ZNF701: variants seen among roughly 807,000 people sequenced by gnomAD.
The protein encoded by ZNF701 is zinc finger protein 701.
In ZNF701, 6 loss-of-function variants were observed where a neutral mutation model predicts 7.1. The observed-to-expected ratio is 0.84, with a 90% CI of 0.46 to 1.66. The LOEUF (loss-of-function observed/expected upper bound fraction) is 1.66, where lower values mean the gene tolerates loss of function less well. Among genes scored for constraint, ZNF701 ranks in the 40% most tolerant of loss-of-function variants. The pLI is 0.01. For missense variants in ZNF701, 541 were observed against 559.2 expected (o/e 0.97, Z 0.33); for synonymous variants, 166 against 188.2 (o/e 0.88, Z 0.97).
chr19:52,580,234 C>T (rs1056379307), intron 3 of ZNF701, among the ~76,000 whole-genome samples: 9 of 151,456 alleles, frequency 5.9e-5, no homozygotes, highest in African/African-American at 9.8e-5. Context: ...TGAGCCACCG[C>T]GCCCAGCCTT....
chr19:52,578,533 CTTTGTCTT>C (rs570108592), intron 3 of ZNF701, among the ~76,000 whole-genome samples: 99 of 152,274 alleles, frequency 6.5e-4, no homozygotes, highest in African/African-American at 2.3e-3. Context: ...CTCTTTATCT[CTTTGTCTT>C]ATGTCTTTAT....
chr19:52,581,689 G>A (rs1278320643), intron 3 of ZNF701, among the ~76,000 whole-genome samples: 1 of 152,126 alleles, frequency 6.6e-6, no homozygotes, highest in Non-Finnish European at 1.5e-5. Flanking sequence ...CCTAATTTTT[G>A]TAATATTTTC....
rs1362067913 is a variant in ZNF701, at chr19:52,582,818, TCAGAA to T, written c.760_764del (p.Gln254AlafsTer7). ...GTGATGTATGCGGCAAGGACTTTCA[TCAGAA>T]GCGATACCTTGCATGCCATAGATGT... is the stretch of plus-strand genomic sequence containing the variant. On this transcript the variant is annotated frameshift_variant, in exon 4 of 4. Coordinates refer to ENST00000391785, the MANE Select transcript of ZNF701 (RefSeq NM_018260.3). LOFTEE classifies it low-confidence loss of function (END_TRUNC). 4 of 1,614,048 alleles carry T rather than the reference TCAGAA, an allele frequency of 2.5e-6. No individual in the cohort carries two copies. The highest frequency in any genetic ancestry group is 1.7e-5 in the Admixed American group (1 of 59,986).
the ZNF701 span, chr19:52,595,887 A>G: frequency 4.6e-5 from 74 of 1,613,158 alleles, no homozygotes; most frequent in African/African-American, 9.3e-4. Flanking sequence ...CCTATTAAAG[A>G]TCAGCTTGGA....
At chr19:52,599,497 C>T in the ZNF701 span, among the ~76,000 whole-genome samples, 1 of 152,136 alleles carries the variant, frequency 6.6e-6, no homozygotes, top group Non-Finnish European at 1.5e-5. Flanking sequence ...GAGATAAGAC[C>T]TCCTCGGATC....
the ZNF701 span, chr19:52,597,400 AAATTCATTTTTGAG>A: frequency 1.9e-6 from 1 of 529,360 alleles, no homozygotes; most frequent in Non-Finnish European, 3.8e-6. Context: ...GAACATCAGA[AAATTCATTTTTGAG>A]ATAACTGTTC....
At chr19:52,571,235 A>AGAGT in intron 1 of ZNF701, among the ~76,000 whole-genome samples, 1 of 145,314 alleles carries the variant, frequency 6.9e-6, no homozygotes, top group East Asian at 2.0e-4. Context: ...CATCAGAGTG[A>AGAGT]GAGAGAGAGA....
intron 1 of ZNF701, among the ~76,000 whole-genome samples, chr19:52,571,611 C>G (rs1428031770): frequency 6.6e-6 from 1 of 152,078 alleles, no homozygotes; most frequent in African/African-American, 2.4e-5. Context: ...CCACCCGCCT[C>G]GACCTCCCAA....
intron 2 of ZNF701, among the ~76,000 whole-genome samples, chr19:52,575,160 G>A (rs1360347283): frequency 2.0e-5 from 3 of 152,006 alleles, no homozygotes; most frequent in Non-Finnish European, 4.4e-5. Context: ...TAGTAGAGAC[G>A]GGGTTTCACC....
intron 1 of ZNF701, chr19:52,572,335 G>A (rs1454540695): frequency 1.6e-6 from 2 of 1,282,536 alleles, no homozygotes; most frequent in African/African-American, 1.5e-5. Context: ...GATTACAGGT[G>A]TGAGCCACCG....
At chr19:52,592,543 A>G in the ZNF701 span, among the ~76,000 whole-genome samples, 1 of 152,210 alleles carries the variant, frequency 6.6e-6, no homozygotes, top group Non-Finnish European at 1.5e-5. Context: ...TGAGATAGAA[A>G]GCATCACACT....
At chr19:52,588,214 G>A (rs559788123), downstream of ZNF701, among the ~76,000 whole-genome samples, 44 of 150,852 alleles carry the variant, frequency 2.9e-4, no homozygotes, top group Non-Finnish European at 5.9e-4. Context: ...TCAGCTGGGT[G>A]CAGTGGCTCA....
rs141406141 is a variant in ZNF701 at position 52,576,475 on chromosome 19, A to G, written c.142+454A>G. Among the ~76,000 whole-genome samples, 970 of 152,242 alleles carry G rather than the reference A, an allele frequency of 6.4e-3. 13 individuals carry two copies. The highest frequency in any genetic ancestry group is 8.0e-3 in the Non-Finnish European group (542 of 68,018). ...AGAATCGCTTGATCCCGGCAGGCCA[A>G]GGTTCCAGTGACTGAGAACACACCA... On this transcript the variant is annotated intron_variant, in intron 3 of 3. Transcript: ENST00000391785.
intron 1 of ZNF701, among the ~76,000 whole-genome samples, chr19:52,571,718 T>C (rs1489284344): frequency 6.7e-6 from 1 of 149,380 alleles, no homozygotes; most frequent in East Asian, 1.9e-4. Flanking sequence ...GCTGACCCTC[T>C]TTCCCTGCTT....
rs906181109 is a variant in ZNF701, at chr19:52,579,038, G to A, written c.142+3017G>A. The stretch of plus-strand genomic sequence containing the variant: ...TGGGATTACAGACGTGAGCCACCGC[G>A]CCCCGCCGTGCCCATTTCTTTCAGT... On this transcript the variant is annotated intron_variant, in intron 3 of 3. Transcript: ENST00000391785. Among the ~76,000 whole-genome samples the A allele has an allele frequency of 9.1e-5, 13 of 143,510 alleles. 1 individual carries two copies. Among genetic ancestry groups the A allele is most frequent in the Admixed American group, 3.4e-4 (5 of 14,904 alleles). 94.1% of individuals were successfully genotyped at this position (143,510 alleles called of 152,430 possible).
At chr19:52,570,595 TA>T (rs2059891229) in intron 1 of ZNF701, 1 of 152,292 alleles carries the variant, frequency 6.6e-6, no homozygotes, top group African/African-American at 2.4e-5. Flanking sequence ...AACCGTTTTT[TA>T]ACTCCTCCCT....
At chr19:52,573,843 G>A (rs554001407) in intron 1 of ZNF701, among the ~76,000 whole-genome samples, 3 of 152,220 alleles carry the variant, frequency 2.0e-5, no homozygotes, top group Non-Finnish European at 4.4e-5. Context: ...TCAGGGCTGG[G>A]TCTGTGCCCT....
chr19:52,590,524 CCTT>C (rs1478239745), downstream of ZNF701, among the ~76,000 whole-genome samples: 19 of 152,184 alleles, frequency 1.2e-4, no homozygotes, highest in African/African-American at 1.9e-4. Flanking sequence ...CGTTGGTTGA[CCTT>C]CTCATTTTCT....
chr19:52,596,933 GT>G, the ZNF701 span: 7 of 581,906 alleles, frequency 1.2e-5, no homozygotes, highest in Non-Finnish European at 2.4e-5. Context: ...AGTGTAATGA[GT>G]GGGGCAAAGC....
Sources: gnomAD v4.1 joint callset for allele counts (sites outside exome capture counted in the v4.1 genomes callset) on GRCh38, gnomAD v4.1.1 for gene constraint, MANE v1.5 for transcripts, NCBI Gene and HGNC (gene_info 2026-07-23, HGNC 2026-07-21) for gene names.